Variants in CRB1 observed in about 807,000 individuals in gnomAD.
The protein encoded by CRB1 is protein crumbs homolog 1.
CRB1 carries 83 observed loss-of-function variants against 120.0 expected under a neutral mutation model. The ratio of observed to expected loss-of-function variants is 0.69; its 90% CI spans 0.58 to 0.83. The LOEUF is 0.83. Among genes scored for constraint, CRB1 ranks in the 40% least tolerant of loss-of-function variants. The pLI, the probability that CRB1 is intolerant of heterozygous loss-of-function variation, is 0.00. For synonymous variants in CRB1, 625 were observed against 612.5 expected, an observed-to-expected ratio of 1.02 and a Z score of -0.30; for missense variants, 1,699 against 1,687.6, an observed-to-expected ratio of 1.01 and a Z score of -0.12.
chr1:197,297,695 A>G (rs1656614944), intron 1 of CRB1, among the ~76,000 whole-genome samples: 1 of 152,150 alleles, frequency 6.6e-6, no homozygotes, highest in Non-Finnish European at 1.5e-5. Flanking sequence ...GTGAGAGTCC[A>G]CAGGGAAAAG....
At chr1:197,476,977 G>A (rs1667224530) in intron 11 of CRB1, among the ~76,000 whole-genome samples, 5 of 152,168 alleles carry the variant, frequency 3.3e-5, no homozygotes, top group Admixed American at 3.3e-4. Flanking sequence ...TCAAACCACT[G>A]TGTAAAAATA....
intron 1 of CRB1, among the ~76,000 whole-genome samples, chr1:197,297,106 A>G (rs1247590390): frequency 1.3e-5 from 2 of 151,604 alleles, no homozygotes; most frequent in Admixed American, 6.6e-5. Flanking sequence ...TCTAATCCTG[A>G]GCTCTAGTTT....
In CRB1 at chr1:197,421,690, C is replaced by T. The variant is rs1450290360; in HGVS notation, c.1862C>T (p.Thr621Ile). The T allele has an allele frequency of 1.9e-6, 3 of 1,614,050 alleles. No homozygotes were observed. The highest frequency in any genetic ancestry group is 1.6e-4 in the Middle Eastern group (1 of 6,084). Residue 621 changes from threonine (T) to isoleucine (I), a missense_variant, in exon 6 of 12, where the codon ACC becomes ATC. By Grantham distance (89) the Thr-to-Ile change is moderately conservative. Coordinates refer to ENST00000367400, the MANE Select transcript of CRB1 (RefSeq NM_201253.3). The stretch of plus-strand genomic sequence containing the variant: ...TTGGGTGGTTTACCAGTGGGAATGA[C>T]CAGCAATGGTGTTGCTCTGCTTAAC... The part of the protein sequence containing the change: ...SFLGGLPVGM[T>I]SNGVALLNFY...
intron 1 of CRB1, among the ~76,000 whole-genome samples, chr1:197,316,275 C>T (rs1030965358): frequency 3.3e-5 from 5 of 152,112 alleles, no homozygotes; most frequent in Non-Finnish European, 5.9e-5. Context: ...AGCTCCGCCT[C>T]CCGGGTTCAC....
intron 4 of CRB1, among the ~76,000 whole-genome samples, chr1:197,354,151 G>C (rs576767596): frequency 2.0e-5 from 3 of 152,058 alleles, no homozygotes; most frequent in Admixed American, 2.0e-4. Flanking sequence ...TGATAGCAAA[G>C]GTTGGCAAAC....
At chr1:197,233,288 A>G in the CRB1 span, among the ~76,000 whole-genome samples, 1 of 152,210 alleles carries the variant, frequency 6.6e-6, no homozygotes, top group African/African-American at 2.4e-5. Flanking sequence ...AATAGATACT[A>G]TAAACTCCGT....
At chr1:197,449,359 A>ATTATT (rs1055210812) in intron 11 of CRB1, among the ~76,000 whole-genome samples, 3 of 151,892 alleles carry the variant, frequency 2.0e-5, no homozygotes, top group Non-Finnish European at 2.9e-5. Flanking sequence ...AAATATTATT[A>ATTATT]TTATTTTATT....
chr1:197,250,468 G>A, the CRB1 span, among the ~76,000 whole-genome samples: 1 of 151,834 alleles, frequency 6.6e-6, no homozygotes, highest in Non-Finnish European at 1.5e-5. Flanking sequence ...GATTCTTTTA[G>A]GACTCCCTTC....
chr1:197,453,539 T>TATATATAG (rs1553266395), intron 11 of CRB1, among the ~76,000 whole-genome samples: 45 of 58,500 alleles, frequency 7.7e-4, no homozygotes, highest in African/African-American at 1.8e-3. Context: ...TATATATATA[T>TATATATAG]AGAGAGAGAG....
At chr1:197,228,972 T>C in the CRB1 span, among the ~76,000 whole-genome samples, 1 of 152,156 alleles carries the variant, frequency 6.6e-6, no homozygotes, top group African/African-American at 2.4e-5. Flanking sequence ...GAGAACAGTA[T>C]GAGGGAAATT....
the CRB1 span, among the ~76,000 whole-genome samples, chr1:197,218,189 C>T: frequency 1.3e-5 from 2 of 152,092 alleles, no homozygotes; most frequent in African/African-American, 4.8e-5. Context: ...CCACCTATGC[C>T]GGGCAAGGAA....
chr1:197,209,388 A>G, the CRB1 span, among the ~76,000 whole-genome samples: 1 of 151,974 alleles, frequency 6.6e-6, no homozygotes, highest in South Asian at 2.1e-4. Flanking sequence ...TCTGTTGCCC[A>G]GGCTGGAGTT....
chr1:197,359,608 A>G (rs908330909), intron 5 of CRB1, among the ~76,000 whole-genome samples: 29 of 152,148 alleles, frequency 1.9e-4, no homozygotes, highest in African/African-American at 7.0e-4. Flanking sequence ...TCTAAGGTAA[A>G]TGCCCAGGAG....
the CRB1 span, chr1:197,223,173 C>G: frequency 8.9e-7 from 1 of 1,121,748 alleles, no homozygotes; most frequent in Non-Finnish European, 1.4e-6. Flanking sequence ...GTGATTATCA[C>G]TTCTTACAAT....
the CRB1 span, among the ~76,000 whole-genome samples, chr1:197,239,108 A>G: frequency 6.6e-6 from 1 of 152,004 alleles, no homozygotes; most frequent in African/African-American, 2.4e-5. Flanking sequence ...ATTATTTTAA[A>G]TTTATTAAGT....
At chr1:197,362,622 G>A (rs2821112) in intron 5 of CRB1, among the ~76,000 whole-genome samples, 4,268 of 152,046 alleles carry the variant, frequency 0.028, 211 homozygotes, top group African/African-American at 0.097. Context: ...ATTAGGCAAT[G>A]ATTTTTTTTC....
At chr1:197,379,069 A>G (rs914399975) in intron 5 of CRB1, among the ~76,000 whole-genome samples, 2 of 152,176 alleles carry the variant, frequency 1.3e-5, no homozygotes, top group Non-Finnish European at 2.9e-5. Context: ...AAAAGATTCT[A>G]TGTGATTAGA....
At chr1:197,375,406 C>T (rs1328313434) in intron 5 of CRB1, among the ~76,000 whole-genome samples, 1 of 152,176 alleles carries the variant, frequency 6.6e-6, no homozygotes, top group Non-Finnish European at 1.5e-5. Flanking sequence ...TCATAGCAGG[C>T]AGTAAGCCAA....
At chr1:197,353,629 C>T (rs1188827461) in intron 4 of CRB1, among the ~76,000 whole-genome samples, 1 of 151,764 alleles carries the variant, frequency 6.6e-6, no homozygotes. Context: ...GGTGAAACTT[C>T]GTCTCTACTA....
Sources: allele counts gnomAD v4.1 joint callset (sites outside exome capture counted in the v4.1 genomes callset), GRCh38; gene constraint gnomAD v4.1.1; transcripts MANE v1.5; gene names NCBI Gene and HGNC (gene_info 2026-07-23, HGNC 2026-07-21).